The following HUWE1 variants were observed in gnomAD, a reference collection of about 807,000 sequenced individuals.
HUWE1 encodes HECT, UBA and WWE domain containing E3 ubiquitin protein ligase 1, also known as E3 ubiquitin-protein ligase HUWE1.
Under a neutral mutation model 299.4 loss-of-function variants are expected in HUWE1, and 18 were observed. That is an observed-to-expected ratio of 0.06 (90% CI 0.04 to 0.09). The LOEUF (loss-of-function observed/expected upper bound fraction) is 0.09. Ranked by LOEUF, HUWE1 falls within the 10% of genes least tolerant of loss-of-function variation. HUWE1 has a pLI of 1.00. For synonymous variants in HUWE1, 1,317 were observed against 1,286.1 expected, an observed-to-expected ratio of 1.02 and a Z score of -0.51; for missense variants, 1,832 against 3,462.3, an observed-to-expected ratio of 0.53 and a Z score of 11.82.
At chrX:53,577,258 A>G (rs919528874) in intron 43 of HUWE1, among the ~76,000 whole-genome samples, 191 bp from the exon 44 acceptor site, 2 of 110,427 alleles carry the variant, frequency 1.8e-5, no homozygotes, top group Non-Finnish European at 1.9e-5. Flanking sequence ...GATTTAATAT[A>G]GCAGTACCAA....
chrX:53,638,991 A>G (rs782354021), intron 7 of HUWE1, among the ~76,000 whole-genome samples: 14 of 112,535 alleles, frequency 1.2e-4, no homozygotes, highest in African/African-American at 4.5e-4. Flanking sequence ...CTTTTCATAA[A>G]GACCAAAACA....
Position 53,631,466 on chromosome X carries a change from G to A in HUWE1, c.710C>T (p.Ser237Phe), listed in dbSNP as rs1557022693. The change falls in exon 11 of 84, where the codon TCT becomes TTT. Residue 237 changes from serine to phenylalanine, a missense_variant. Coordinates refer to ENST00000262854, the MANE Select transcript of HUWE1 (RefSeq NM_031407.7). The stretch of plus-strand genomic sequence containing the variant: ...TTTGGTAAGAGATTCCATGATTTCA[G>A]AAGGGCTTTCTGAAATCTACATTAA... ...EQLDKISESP[S>F]EIMESLTKMY... is the part of the protein sequence containing the mutation. 2 of 1,197,071 alleles carry A rather than the reference G, an allele frequency of 1.7e-6. No individual in the cohort carries two copies. The highest frequency in any genetic ancestry group is 2.3e-6 in the Non-Finnish European group (2 of 884,240).
chrX:53,675,640 A>T (rs1158590316), intron 3 of HUWE1, among the ~76,000 whole-genome samples: 2 of 111,701 alleles, frequency 1.8e-5, no homozygotes, highest in African/African-American at 6.5e-5. Context: ...TAAAAGAAAA[A>T]AAAAGATATA....
At position 53,538,983 on chromosome X, in the gene HUWE1, G is replaced by A; in HGVS notation, c.11730C>T (p.His3910=). Residue 3910 remains histidine, a synonymous_variant, in exon 76 of 84, where the codon CAC becomes CAT. Transcript: ENST00000262854. ...VRDTRESQLA[H]IKDEPPPLSP... Reference sequence around the variant, plus strand: ...AGAGTGGAGGAGGCTCGTCCTTGATGTGTGCCAGCTGGCTCTCACGGGTGT... The same window carrying A: ...AGAGTGGAGGAGGCTCGTCCTTGATATGTGCCAGCTGGCTCTCACGGGTGT... 8.3e-7 allele frequency: 1 copy of A among 1,209,040 alleles called. No individual in the cohort carries two copies. Among genetic ancestry groups the A allele is most frequent in the Non-Finnish European group, 1.1e-6 (1 of 894,321 alleles).
Position 53,586,280 on chromosome X carries a change from C to T in HUWE1, c.4824+210G>A, listed in dbSNP as rs1359819714. On this transcript the variant is annotated intron_variant, in intron 39 of 83. Coordinates refer to ENST00000262854, the MANE Select transcript of HUWE1 (RefSeq NM_031407.7). ...TCAGTCCCTTACATAACAGAAAAGC[C>T]GCTCCTCCTCTGGAGATAGCACACT... is the stretch of plus-strand genomic sequence containing the variant. 3.6e-5 allele frequency among the ~76,000 whole-genome samples: 4 copies of T among 112,007 alleles called. 1 individual carries two copies. Among genetic ancestry groups the T allele is most frequent in the African/African-American group, 1.3e-4 (4 of 30,755 alleles).
chrX:53,643,035 G>T (rs782774985), intron 7 of HUWE1, among the ~76,000 whole-genome samples: 5 of 112,304 alleles, frequency 4.5e-5, no homozygotes, highest in Non-Finnish European at 7.5e-5. Flanking sequence ...AACTACATTG[G>T]TAACTATACT....
rs377286362 is a variant in HUWE1, at chrX:53,628,489, G to A, written c.1242+4C>T. On this transcript the variant is annotated splice_donor_region_variant and intron_variant, in intron 15 of 83. Coordinates refer to ENST00000262854, the MANE Select transcript of HUWE1 (RefSeq NM_031407.7). ...TAAAAAAAAAAAAAAAAAAAGTACA[G>A]CACCTTCAATAAGGCTTCCATCATT... 3.8e-4 allele frequency: 431 copies of A among 1,139,491 alleles called. 1 individual carries two copies. Among genetic ancestry groups the A allele is most frequent in the African/African-American group, 1.5e-3 (79 of 53,055 alleles). The allele number at this position is 1,139,491 out of a possible 1,213,427, so 93.9% of individuals were successfully genotyped here.
At chrX:53,533,965 C>G (rs1556909054) in intron 83 of HUWE1, 42 bp downstream of exon 83, 1 of 1,154,849 alleles carries the variant, frequency 8.7e-7, no homozygotes, top group Non-Finnish European at 1.2e-6. Context: ...TATGCAAGCT[C>G]AACCTAAGCA....
intron 35 of HUWE1, among the ~76,000 whole-genome samples, chrX:53,590,148 G>A (rs1479412697): frequency 8.9e-6 from 1 of 112,086 alleles, no homozygotes; most frequent in Non-Finnish European, 1.9e-5. Flanking sequence ...GCCAAGTTCG[G>A]CCTAATGGCA....
chrX:53,543,897 T>C lies in HUWE1; in HGVS notation c.11323A>G (p.Ile3775Val). The C allele has an allele frequency of 8.3e-7, 1 of 1,210,770 alleles. No individual in the cohort carries two copies. Among genetic ancestry groups the C allele is most frequent in the Non-Finnish European group, 1.1e-6 (1 of 894,854 alleles). Residue 3775 changes from isoleucine to valine, a missense_variant, in exon 73 of 84, where the codon ATT becomes GTT. Transcript: ENST00000262854. The part of the protein sequence containing the change: ...VRQLEAEADA[I>V]IQMVREGQRA... ...TGACCCTCACGTACCATTTGTATAA[T>C]GGCATCAGCCTCAGCCTCCAGCTGC... is the stretch of plus-strand genomic sequence containing the variant.
At chrX:53,639,142 T>C (rs1287571515) in intron 7 of HUWE1, among the ~76,000 whole-genome samples, 13 of 112,126 alleles carry the variant, frequency 1.2e-4, no homozygotes, top group African/African-American at 3.9e-4. Flanking sequence ...ATATCTCCAA[T>C]ATGGTTTTAC....
intron 3 of HUWE1, among the ~76,000 whole-genome samples, chrX:53,657,085 T>C (rs1176079401): frequency 3.6e-5 from 4 of 111,953 alleles, no homozygotes; most frequent in Non-Finnish European, 7.5e-5. Context: ...TAAAATTTAC[T>C]AGGAGAAAAT....
At chrX:53,564,764 T>C in intron 50 of HUWE1, 42 bp from the exon 51 acceptor site, 1 of 1,207,065 alleles carries the variant, frequency 8.3e-7, no homozygotes, top group South Asian at 1.8e-5. Context: ...AAAGAGTGCC[T>C]ATGTGCTGGG....
intron 3 of HUWE1, among the ~76,000 whole-genome samples, chrX:53,673,576 G>A (rs911833658): frequency 1.8e-5 from 2 of 111,563 alleles, no homozygotes; most frequent in African/African-American, 3.3e-5. Context: ...AATAATGTTC[G>A]TTGTACCCTA....
chrX:53,633,710 C>A (rs1167706471), intron 8 of HUWE1, among the ~76,000 whole-genome samples: 1 of 112,454 alleles, frequency 8.9e-6, no homozygotes, highest in African/African-American at 3.2e-5. Flanking sequence ...TGTTTTGTAG[C>A]TCCACAGCAA....
intron 3 of HUWE1, among the ~76,000 whole-genome samples, chrX:53,674,886 G>A (rs2069737680): frequency 8.9e-6 from 1 of 111,870 alleles, no homozygotes; most frequent in Non-Finnish European, 1.9e-5. Flanking sequence ...GCTCAGTGAT[G>A]AGGTAATTTG....
chrX:53,560,276 G>A lies in HUWE1; in HGVS notation c.7648C>T (p.Leu2550=). Residue 2550 remains leucine (L), a synonymous_variant, in exon 56 of 84, where the codon CTA becomes TTA. Transcript: ENST00000262854. The stretch of plus-strand genomic sequence containing the variant: ...CCAGTATTGGCCGTCAGCTGCCTTA[G>A]GGTCCTCTGACTGCGCCCGATGCCC... ...TQGIGRSQRT[L]RQLTANTGHT... 1.7e-6 allele frequency: 2 copies of A among 1,211,193 alleles called. No individual in the cohort carries two copies. The highest frequency in any genetic ancestry group is 2.2e-6 in the Non-Finnish European group (2 of 895,287).
intron 7 of HUWE1, among the ~76,000 whole-genome samples, chrX:53,635,966 T>C (rs1350824879): frequency 8.9e-6 from 1 of 112,570 alleles, no homozygotes; most frequent in East Asian, 2.8e-4. Context: ...CAAACTACAC[T>C]TGATCTACTG....
At chrX:53,616,166 C>T (rs1182525662) in intron 21 of HUWE1, among the ~76,000 whole-genome samples, 1 of 110,090 alleles carries the variant, frequency 9.1e-6, no homozygotes, top group Non-Finnish European at 1.9e-5. Flanking sequence ...CCACCTTGGC[C>T]TCCCAAAATG....
Sources: gnomAD v4.1 joint callset for allele counts (sites outside exome capture counted in the v4.1 genomes callset) on GRCh38, gnomAD v4.1.1 for gene constraint, MANE v1.5 for transcripts, NCBI Gene and HGNC (gene_info 2026-07-23, HGNC 2026-07-21) for gene names.